C7: variants seen among roughly 807,000 people sequenced by gnomAD.
C7 encodes the protein complement C7, also known as complement component C7.
C7 carries 83 observed loss-of-function variants against 104.8 expected under a neutral mutation model. That is an observed-to-expected ratio of 0.79 (90% CI 0.66 to 0.95). The LOEUF (loss-of-function observed/expected upper bound fraction) is 0.95, where lower values mean the gene tolerates loss of function less well. C7 is among the 40% of genes least tolerant of loss of function. C7 has a pLI of 0.00. For missense variants in C7, 1,070 were observed against 1,011.2 expected (o/e 1.06, Z -0.79); for synonymous variants, 415 against 360.6 (o/e 1.15, Z -1.71).
At chr5:40,935,600 C>T (rs543503483) in intron 4 of C7, among the ~76,000 whole-genome samples, 10 of 152,252 alleles carry the variant, frequency 6.6e-5, no homozygotes, top group South Asian at 4.2e-4. Flanking sequence ...ACTAACCAAG[C>T]GCAAGATCAT....
At chr5:40,934,886 G>A (rs1209268688) in intron 4 of C7, among the ~76,000 whole-genome samples, 4 of 152,122 alleles carry the variant, frequency 2.6e-5, no homozygotes, top group Non-Finnish European at 5.9e-5. Flanking sequence ...TCCTATGCAT[G>A]GGGTGATTGA....
chr5:40,965,906 G>C (rs1740541083), intron 14 of C7, among the ~76,000 whole-genome samples: 1 of 151,812 alleles, frequency 6.6e-6, no homozygotes, highest in African/African-American at 2.4e-5. Flanking sequence ...GCCTCTTAGG[G>C]TGCTAGGATT....
chr5:40,929,446 C>T (rs541157851), intron 2 of C7, among the ~76,000 whole-genome samples: 1 of 152,140 alleles, frequency 6.6e-6, no homozygotes, highest in South Asian at 2.1e-4. Flanking sequence ...TCATTGGTAC[C>T]ATACGAAAAC....
At chr5:40,953,757 C>T (rs1398039835) in intron 9 of C7, among the ~76,000 whole-genome samples, 1 of 98,812 alleles carries the variant, frequency 1.0e-5, no homozygotes, top group Admixed American at 1.1e-4. Context: ...TTGAAATGTT[C>T]CCAACACAAA....
chr5:40,919,124 A>T (rs977046102), intron 1 of C7, among the ~76,000 whole-genome samples: 4 of 138,330 alleles, frequency 2.9e-5, no homozygotes, highest in African/African-American at 1.2e-4. Context: ...TATATCAAGT[A>T]TCTTTTTTTT....
chr5:40,931,101 G>A lies in C7; in HGVS notation c.100G>A (p.Ala34Thr). The A allele has an allele frequency of 6.2e-7, 1 of 1,613,678 alleles. No individual in the cohort carries two copies. ...AGTCAACTGCCAGTGGGACTTCTAT[G>A]CCCCTTGGTCAGAATGCAATGGCTG... ...SPVNCQWDFYAPWSECNGCTK... is the reference protein window; with the variant it reads ...SPVNCQWDFYTPWSECNGCTK... The change falls in exon 3 of 18, where the codon GCC becomes ACC. Residue 34 changes from alanine to threonine, a missense_variant. Ala to Thr is a moderately conservative substitution (Grantham distance 58). Transcript: ENST00000313164.
chr5:40,965,648 A>ATATT (rs35802990), intron 14 of C7, among the ~76,000 whole-genome samples: 110 of 130,304 alleles, frequency 8.4e-4, no homozygotes, highest in African/African-American at 2.5e-3. Flanking sequence ...ATATATATAT[A>ATATT]TTTTTTTTTT....
chr5:40,968,801 G>A (rs1025103387), intron 14 of C7, among the ~76,000 whole-genome samples: 2 of 150,340 alleles, frequency 1.3e-5, no homozygotes, highest in African/African-American at 2.4e-5. Flanking sequence ...TAGTAGAGAC[G>A]GGGTTTCACC....
chr5:40,938,920 C>T lies in C7; in HGVS notation c.567+1230C>T, dbSNP rs1441038307. Among the ~76,000 whole-genome samples, 8 of 152,314 alleles carry T rather than the reference C, an allele frequency of 5.3e-5. No homozygotes were observed. In the East Asian group the frequency reaches 1.2e-3, roughly 22 times the overall value. ...TTGAAGCAATAGCGGTTGGCATCTT[C>T]TATCTTAAAACACTTCCACAGCCTC... On this transcript the variant is annotated intron_variant, in intron 6 of 17. Transcript: ENST00000313164.
chr5:40,955,668 G>T (rs544538041), intron 10 of C7, 115 bp downstream of exon 10: 20 of 816,298 alleles, frequency 2.5e-5, no homozygotes, highest in African/African-American at 1.9e-4. Flanking sequence ...AGCATTTTCC[G>T]TATCCCAATT....
chr5:40,955,464 C>T lies in C7; in HGVS notation c.1171C>T (p.Leu391=), dbSNP rs1489425805. 6.2e-7 allele frequency: 1 copy of T among 1,613,258 alleles called. No individual in the cohort carries two copies. Among genetic ancestry groups the T allele is most frequent in the East Asian group, 2.2e-5 (1 of 44,836 alleles). The change falls in exon 10 of 18, where the codon CTA becomes TTA. Residue 391 remains leucine (L), a synonymous_variant. Transcript: ENST00000313164. ...AGGCTTCATATCTGGCCTTAGTTAC[C>T]TAGAGCTGGACAATCCTGCTGGAAA... The part of the protein sequence containing the change: ...GAGFISGLSY[L]ELDNPAGNKR...
chr5:40,948,758 C>A (rs898775390), intron 8 of C7, among the ~76,000 whole-genome samples: 3 of 152,162 alleles, frequency 2.0e-5, no homozygotes, highest in African/African-American at 7.2e-5. Flanking sequence ...CTGATGCCCA[C>A]ATTTCCCTCT....
rs367965213 is a variant in C7, at chr5:40,931,128, A to G, written c.127A>G (p.Thr43Ala). The G allele has an allele frequency of 3.7e-6, 6 of 1,612,872 alleles. No homozygotes were observed. The highest frequency in any genetic ancestry group is 5.1e-6 in the Non-Finnish European group (6 of 1,179,040). The stretch of plus-strand genomic sequence containing the variant: ...CCCTTGGTCAGAATGCAATGGCTGT[A>G]CCAAGACTCAGGTAGGACCATGCAA... ...YAPWSECNGC[T>A]KTQTRRRSVA... Residue 43 changes from threonine to alanine, a missense_variant, in exon 3 of 18, where the codon ACC (threonine) becomes GCC (alanine). Transcript: ENST00000313164.
intron 8 of C7, 150 bp downstream of exon 8, chr5:40,947,995 G>T: frequency 1.2e-6 from 1 of 857,728 alleles, no homozygotes; most frequent in Middle Eastern, 3.6e-4. Context: ...ATGTATTATT[G>T]TCTACTTAAA....
chr5:40,981,128 G>A lies in C7; in HGVS notation c.2351-264G>A, dbSNP rs541825512. Among the ~76,000 whole-genome samples, 185 of 152,236 alleles carry A rather than the reference G, an allele frequency of 1.2e-3. 2 individuals are homozygous for A. The highest frequency in any genetic ancestry group is 0.011 in the South Asian group (55 of 4,826). On this transcript the variant is annotated intron_variant, in intron 17 of 17. Coordinates refer to ENST00000313164, the MANE Select transcript of C7 (RefSeq NM_000587.4). ...AGCAGCATGTATGTAGGAGATAGTT[G>A]AAGAGCTCTTGACTTGGATAAAACC...
In C7 at chr5:40,981,372, T is replaced by G. The variant is rs566503738; in HGVS notation, c.2351-20T>G. 3.7e-5 allele frequency: 59 copies of G among 1,601,530 alleles called. No individual in the cohort carries two copies. The Admixed American group carries it at 7.1e-4, about 19-fold the overall frequency. ...GACCTCCACAATGTACCATTAAGCC[T>G]CTTTCACTTACTTTTCCAGCTGAGA... On this transcript the variant is annotated intron_variant, in intron 17 of 17. Transcript: ENST00000313164.
Position 40,958,038 on chromosome 5 carries a change from A to G in C7, c.1266A>G (p.Thr422=), listed in dbSNP as rs372397442. 3.7e-6 allele frequency: 6 copies of G among 1,609,406 alleles called. No homozygotes were observed. Among genetic ancestry groups the G allele is most frequent in the Admixed American group, 1.7e-5 (1 of 59,810 alleles). ...NLPQVIKQKL[T]PLYELVKEVP... ...TAATGTCTTTATCTCTATAGCTGAC[A>G]CCTTTATATGAGCTGGTAAAGGAAG... is the stretch of plus-strand genomic sequence containing the variant. The change falls in exon 11 of 18, where the codon ACA becomes ACG. Residue 422 remains threonine, a synonymous_variant. Coordinates refer to ENST00000313164, the MANE Select transcript of C7 (RefSeq NM_000587.4).
rs113371286 is a variant in C7 at position 40,962,266 on chromosome 5, C to T, written c.1749+94C>T. On this transcript the variant is annotated intron_variant, in intron 13 of 17. Transcript: ENST00000313164. ...CTATTTTCTTCCTCCATGGTGAAGC[C>T]GTGCCAAAAATATTTTATATATGCA... 3,412 of 678,880 alleles carry T rather than the reference C, an allele frequency of 5.0e-3. 82 individuals are homozygous for T. The African/African-American group carries it at 0.056, about 11-fold the overall frequency. The allele number at this position is 678,880 out of a possible 1,614,324, so 42.1% of individuals were successfully genotyped here. A position where few individuals can be genotyped will look rare whatever the true frequency, so the allele number is the denominator to read the frequency against.
intron 12 of C7, among the ~76,000 whole-genome samples, chr5:40,960,149 G>A (rs1433395919): frequency 6.6e-6 from 1 of 152,018 alleles, no homozygotes; most frequent in Admixed American, 6.6e-5. Flanking sequence ...CAGTAGCCTG[G>A]CACTAAACTT....
Sources: gnomAD v4.1 joint callset for allele counts (sites outside exome capture counted in the v4.1 genomes callset) on GRCh38, gnomAD v4.1.1 for gene constraint, MANE v1.5 for transcripts, NCBI Gene and HGNC (gene_info 2026-07-23, HGNC 2026-07-21) for gene names.